RCN3: variants seen among roughly 807,000 people sequenced by gnomAD.
The protein encoded by RCN3 is reticulocalbin 3.
In RCN3, 41 loss-of-function variants were observed where a neutral mutation model predicts 35.9. The observed-to-expected ratio is 1.14, with a 90% CI of 0.89 to 1.48. RCN3 has a LOEUF of 1.48. Ranked by LOEUF, RCN3 falls within the 40% of genes most tolerant of loss-of-function variation. The pLI is 0.00. For missense variants in RCN3, 451 were observed against 471.3 expected, an observed-to-expected ratio of 0.96 and a Z score of 0.40; for synonymous variants, 187 against 193.4, an observed-to-expected ratio of 0.97 and a Z score of 0.27.
intron 2 of RCN3, among the ~76,000 whole-genome samples, chr19:49,531,724 A>T (rs540678963): frequency 6.6e-6 from 1 of 152,286 alleles, no homozygotes; most frequent in East Asian, 1.9e-4. Context: ...TGGAGGAAGA[A>T]GGGCAGTGAC....
chr19:49,534,265 G>C lies in RCN3; in HGVS notation c.315G>C (p.Trp105Cys). ...TGTCGCTGGCCGAGCTTCGCGCGTGGATCGCGCACACGCAGCAGCGGCACA... is the reference window on the plus strand; with the variant it reads ...TGTCGCTGGCCGAGCTTCGCGCGTGCATCGCGCACACGCAGCAGCGGCACA... ...GWVSLAELRAWIAHTQQRHIR... is the reference protein window; with the variant it reads ...GWVSLAELRACIAHTQQRHIR... Residue 105 changes from tryptophan (W) to cysteine (C), a missense_variant, in exon 3 of 7, where the codon TGG (tryptophan) becomes TGC (cysteine). By Grantham distance (215) the Trp-to-Cys change is radical. Transcript: ENST00000270645. 1.4e-6 allele frequency: 2 copies of C among 1,465,296 alleles called. No individual in the cohort carries two copies. Among genetic ancestry groups the C allele is most frequent in the Admixed American group, 5.0e-5 (2 of 40,006 alleles). 90.8% of individuals were successfully genotyped at this position (1,465,296 alleles called of 1,614,324 possible).
At chr19:49,532,899 C>T (rs1209997384) in intron 2 of RCN3, among the ~76,000 whole-genome samples, 6 of 152,086 alleles carry the variant, frequency 3.9e-5, no homozygotes, top group Admixed American at 2.0e-4. Context: ...TGGTCTGGAA[C>T]GTCTGATCTC....
chr19:49,534,413 G>T lies in RCN3; in HGVS notation c.445+18G>T. The T allele has an allele frequency of 6.5e-7, 1 of 1,536,510 alleles. No individual in the cohort carries two copies. Among genetic ancestry groups the T allele is most frequent in the Non-Finnish European group, 8.7e-7 (1 of 1,144,938 alleles). On this transcript the variant is annotated intron_variant, in intron 3 of 6. Transcript: ENST00000270645. ...CGCGCCCGGTACGCGGCGAGCCCCC[G>T]ACCCTGCTCCCCATACACCGTGACC...
At chr19:49,534,162 G>C (rs2080122636) in intron 2 of RCN3, 31 bp from the exon 3 acceptor site, 9 of 1,469,284 alleles carry the variant, frequency 6.1e-6, no homozygotes, top group South Asian at 2.7e-5. Context: ...GGCGGGACCA[G>C]AGCCTGACGT....
Position 49,542,621 on chromosome 19 carries a change from C to A in RCN3, c.748C>A (p.Arg250=). 1 of 1,607,220 alleles carries A rather than the reference C, an allele frequency of 6.2e-7. No homozygotes were observed. ...AWVQTERQQF[R]DFRDLNKDGH... Reference sequence around the variant, plus strand: ...GGTGCAGACGGAGAGGCAGCAGTTCCGGGACTTCCGGGATCTGAACAAGGA... The same window carrying A: ...GGTGCAGACGGAGAGGCAGCAGTTCAGGGACTTCCGGGATCTGAACAAGGA... The change falls in exon 6 of 7, where the codon CGG becomes AGG. Residue 250 remains arginine, a synonymous_variant. Coordinates refer to ENST00000270645, the MANE Select transcript of RCN3 (RefSeq NM_020650.3).
chr19:49,537,145 G>A lies in RCN3; in HGVS notation c.558G>A (p.Glu186=), dbSNP rs1471996861. The A allele has an allele frequency of 6.3e-7, 1 of 1,595,368 alleles. No individual in the cohort carries two copies. Among genetic ancestry groups the A allele is most frequent in the Admixed American group, 1.7e-5 (1 of 57,948 alleles). Residue 186 remains glutamate (E), a synonymous_variant, in exon 4 of 7, where the codon GAG becomes GAA. Coordinates refer to ENST00000270645, the MANE Select transcript of RCN3 (RefSeq NM_020650.3). The part of the protein sequence containing the change: ...DQDGDSMATR[E]ELTAFLHPEE... ...ATGGGGACTCGATGGCCACTCGAGA[G>A]GAGCTGACAGCCTTCCTGCACCCCG... is the stretch of plus-strand genomic sequence containing the variant.
In RCN3 at chr19:49,528,602, C is replaced by T. The variant is rs886742965; in HGVS notation, c.130C>T (p.Pro44Ser). 3.1e-6 allele frequency: 5 copies of T among 1,611,710 alleles called. No individual in the cohort carries two copies. The South Asian group carries it at 5.5e-5, about 18-fold the overall frequency. ...VHQAAPLSDA[P>S]HDDAHGNFQY... ...CCAGGCGGCCCCCCTGAGCGACGCT[C>T]CCCATGATGACGCCCACGGGAACTT... Residue 44 changes from proline (P) to serine (S), a missense_variant, in exon 2 of 7, where the codon CCC becomes TCC. Pro to Ser is a moderately conservative substitution (Grantham distance 74, BLOSUM62 -1). Transcript: ENST00000270645.
Position 49,537,212 on chromosome 19 carries a change from G to T in RCN3, c.618+7G>T. On this transcript the variant is annotated splice_region_variant and intron_variant, in intron 4 of 6. Transcript: ENST00000270645. Reference sequence around the variant, plus strand: ...GCGGGACATCGTGATTGCTGTGAGTGGCGGCTGGGGAACCCTGTCCCCCAC... The same window carrying T: ...GCGGGACATCGTGATTGCTGTGAGTTGCGGCTGGGGAACCCTGTCCCCCAC... 1 of 1,497,322 alleles carries T rather than the reference G, an allele frequency of 6.7e-7. No homozygotes were observed. Among genetic ancestry groups the T allele is most frequent in the East Asian group, 2.6e-5 (1 of 38,966 alleles). 92.8% of individuals were successfully genotyped at this position (1,497,322 alleles called of 1,614,324 possible). A position where few individuals can be genotyped will look rare whatever the true frequency, so the allele number is the denominator to read the frequency against.
chr19:49,534,232 C>CG lies in RCN3; in HGVS notation c.284dup (p.Trp96LeufsTer55). On this transcript the variant is annotated frameshift_variant, in exon 3 of 7. Coordinates refer to ENST00000270645, the MANE Select transcript of RCN3 (RefSeq NM_020650.3). LOFTEE classifies it high-confidence loss of function. ...GCATGGACCGCGCGGGGGACGGCGA[C>CG]GGCTGGGTGTCGCTGGCCGAGCTTC... The CG allele has an allele frequency of 2.0e-6, 3 of 1,477,024 alleles. No individual in the cohort carries two copies. The highest frequency in any genetic ancestry group is 2.7e-6 in the Non-Finnish European group (3 of 1,119,056). The allele number at this position is 1,477,024 out of a possible 1,614,324, so 91.5% of individuals were successfully genotyped here.
At chr19:49,540,677 G>A (rs1173211790) in intron 5 of RCN3, among the ~76,000 whole-genome samples, 1 of 146,614 alleles carries the variant, frequency 6.8e-6, no homozygotes, top group Non-Finnish European at 1.5e-5. Flanking sequence ...AGTGCAGTGG[G>A]GTGATCTTGG....
intron 5 of RCN3, among the ~76,000 whole-genome samples, chr19:49,540,144 T>C (rs1458132135): frequency 6.6e-6 from 1 of 151,674 alleles, no homozygotes; most frequent in Admixed American, 6.6e-5. Flanking sequence ...TGTCACTCTT[T>C]CTTTCTATCT....
chr19:49,531,174 C>T (rs532703602), intron 2 of RCN3, among the ~76,000 whole-genome samples: 1 of 152,274 alleles, frequency 6.6e-6, no homozygotes, highest in East Asian at 1.9e-4. Flanking sequence ...CAAAAATTAG[C>T]CCAGCATGGT....
At chr19:49,529,189 C>A (rs1261644435) in intron 2 of RCN3, among the ~76,000 whole-genome samples, 1 of 151,998 alleles carries the variant, frequency 6.6e-6, no homozygotes. Flanking sequence ...TAAAAAACAA[C>A]AACAACAATA....
At chr19:49,541,968 G>A (rs536622563) in intron 5 of RCN3, among the ~76,000 whole-genome samples, 35 of 147,958 alleles carry the variant, frequency 2.4e-4, no homozygotes, top group Non-Finnish European at 5.9e-5. Context: ...CAACAAGAGC[G>A]AAACTCCATC....
chr19:49,540,369 C>G (rs1160712881), intron 5 of RCN3, among the ~76,000 whole-genome samples: 1 of 151,926 alleles, frequency 6.6e-6, no homozygotes, highest in Non-Finnish European at 1.5e-5. Flanking sequence ...CGCAGTGGCT[C>G]ATACCTGTAA....
At chr19:49,542,525 A>G in intron 5 of RCN3, 28 bp from the exon 6 acceptor site, 2 of 1,540,494 alleles carry the variant, frequency 1.3e-6, no homozygotes, top group Non-Finnish European at 1.8e-6. Context: ...GCTGCCCCTG[A>G]CCTTGTCCCC....
intron 6 of RCN3, 78 bp from the exon 7 acceptor site, chr19:49,543,028 C>A: frequency 8.3e-7 from 1 of 1,210,210 alleles, no homozygotes; most frequent in Non-Finnish European, 1.2e-6. Flanking sequence ...CCAGAGACTT[C>A]GGGACACGCT....
At chr19:49,539,092 C>T in intron 4 of RCN3, 27 bp from the exon 5 acceptor site, 2 of 1,563,622 alleles carry the variant, frequency 1.3e-6, no homozygotes, top group Non-Finnish European at 8.6e-7. Context: ...CATCGGCCCC[C>T]AGCCTCAATG....
At chr19:49,533,570 C>T (rs1378165165) in intron 2 of RCN3, among the ~76,000 whole-genome samples, 1 of 152,078 alleles carries the variant, frequency 6.6e-6, no homozygotes, top group Non-Finnish European at 1.5e-5. Flanking sequence ...GGAGACTGAG[C>T]CCCCGGGGTT....
Sources: gnomAD v4.1 joint callset for allele counts (sites outside exome capture counted in the v4.1 genomes callset) on GRCh38, gnomAD v4.1.1 for gene constraint, MANE v1.5 for transcripts, NCBI Gene and HGNC (gene_info 2026-07-23, HGNC 2026-07-21) for gene names.